KCND2: variants seen among roughly 807,000 people sequenced by gnomAD.
KCND2 encodes A-type voltage-gated potassium channel KCND2.
KCND2 carries 16 observed loss-of-function variants against 54.4 expected under a neutral mutation model. The observed-to-expected ratio is 0.29, with a 90% CI of 0.20 to 0.45. The LOEUF is 0.45. Among genes scored for constraint, KCND2 ranks in the 20% least tolerant of loss-of-function variants. KCND2 has a pLI of 1.00. For synonymous variants in KCND2, 317 were observed against 310.7 expected, an observed-to-expected ratio of 1.02 and a Z score of -0.21; for missense variants, 486 against 824.2, an observed-to-expected ratio of 0.59 and a Z score of 5.02.
intron 1 of KCND2, among the ~76,000 whole-genome samples, chr7:120,472,036 A>T (rs1250827851): frequency 6.6e-6 from 1 of 151,936 alleles, no homozygotes; most frequent in Non-Finnish European, 1.5e-5. Flanking sequence ...AATAAAAAGA[A>T]AAAACCAGAT....
intron 1 of KCND2, among the ~76,000 whole-genome samples, chr7:120,571,592 T>G (rs1792366849): frequency 6.6e-6 from 1 of 152,218 alleles, no homozygotes; most frequent in Non-Finnish European, 1.5e-5. Context: ...GATTTTTATT[T>G]TACATAAAGC....
intron 1 of KCND2, among the ~76,000 whole-genome samples, chr7:120,618,449 G>A (rs1468944461): frequency 5.9e-5 from 9 of 152,110 alleles, no homozygotes; most frequent in Admixed American, 5.2e-4. Context: ...TTCACACTGA[G>A]TCTCTAAACT....
At chr7:120,443,482 A>G (rs531196945) in intron 1 of KCND2, among the ~76,000 whole-genome samples, 1 of 151,910 alleles carries the variant, frequency 6.6e-6, no homozygotes, top group South Asian at 2.1e-4. Flanking sequence ...TTTCCTTACT[A>G]TTTATTCTCG....
intron 1 of KCND2, among the ~76,000 whole-genome samples, chr7:120,678,369 A>T (rs1479256785): frequency 6.9e-6 from 1 of 145,432 alleles, no homozygotes; most frequent in Admixed American, 6.9e-5. Flanking sequence ...ATATATATAT[A>T]TATACGCACA....
chr7:120,563,100 ATAGT>A (rs1489767932), intron 1 of KCND2, among the ~76,000 whole-genome samples: 9 of 152,168 alleles, frequency 5.9e-5, no homozygotes, highest in Non-Finnish European at 2.9e-5. Context: ...CTTGTTTATC[ATAGT>A]TAGAGGTTCT....
intron 1 of KCND2, among the ~76,000 whole-genome samples, chr7:120,668,233 C>T (rs566652168): frequency 1.3e-5 from 2 of 152,012 alleles, no homozygotes; most frequent in East Asian, 1.9e-4. Context: ...CATAAAGTTC[C>T]GTAATTATAT....
chr7:120,337,376 T>C (rs1038858634), intron 1 of KCND2, among the ~76,000 whole-genome samples: 3 of 152,198 alleles, frequency 2.0e-5, no homozygotes, highest in African/African-American at 7.2e-5. Flanking sequence ...CTAAGATGTA[T>C]GTAAAAACAT....
intron 1 of KCND2, among the ~76,000 whole-genome samples, chr7:120,400,185 T>A (rs1208350696): frequency 6.6e-6 from 1 of 152,166 alleles, no homozygotes; most frequent in African/African-American, 2.4e-5. Flanking sequence ...TTGTTTTGAC[T>A]TTTTAGGTTA....
At chr7:120,362,676 T>C (rs1220066615) in intron 1 of KCND2, among the ~76,000 whole-genome samples, 1 of 152,052 alleles carries the variant, frequency 6.6e-6, no homozygotes, top group East Asian at 1.9e-4. Flanking sequence ...ATCCTTGGGC[T>C]TCAGCTTTCT....
intron 1 of KCND2, among the ~76,000 whole-genome samples, chr7:120,406,037 G>T (rs546362305): frequency 1.3e-5 from 2 of 151,732 alleles, no homozygotes; most frequent in Admixed American, 6.6e-5. Flanking sequence ...TTATGAAGGT[G>T]GTATAAAGGA....
In KCND2 at chr7:120,274,766, T is replaced by G; in HGVS notation, c.134T>G (p.Leu45Arg). The G allele has an allele frequency of 6.2e-7, 1 of 1,614,110 alleles. No individual in the cohort carries two copies. The highest frequency in any genetic ancestry group is 8.5e-7 in the Non-Finnish European group (1 of 1,180,012). Reference protein sequence around the residue: ...RKRTQDALIVLNVSGTRFQTW... With the variant: ...RKRTQDALIVRNVSGTRFQTW... ...AGGACCCAAGATGCTCTCATTGTGC[T>G]GAATGTGAGTGGCACCCGCTTCCAG... The change falls in exon 1 of 6, where the codon CTG becomes CGG. Residue 45 changes from leucine to arginine, a missense_variant. Around this residue, in one of 7 missense-constraint regions of KCND2, gnomAD observed 231 missense variants for 386.0 expected, o/e 0.60. Transcript: ENST00000331113.
intron 1 of KCND2, among the ~76,000 whole-genome samples, chr7:120,388,887 C>T (rs1489714012): frequency 2.8e-5 from 2 of 71,410 alleles, no homozygotes; most frequent in East Asian, 1.2e-3. Context: ...TTTATATATA[C>T]ATGTATATAT....
intron 1 of KCND2, among the ~76,000 whole-genome samples, chr7:120,722,664 G>T (rs549057765): frequency 5.9e-5 from 9 of 152,216 alleles, no homozygotes; most frequent in Admixed American, 5.9e-4. Flanking sequence ...AATAAAATAG[G>T]TAAATACAAC....
chr7:120,557,181 G>A (rs1792176144), intron 1 of KCND2, among the ~76,000 whole-genome samples: 4 of 152,076 alleles, frequency 2.6e-5, no homozygotes, highest in Admixed American at 2.6e-4. Context: ...TACATATTTT[G>A]GGGGTACATG....
intron 1 of KCND2, among the ~76,000 whole-genome samples, chr7:120,712,883 C>T (rs1165333487): frequency 6.6e-6 from 1 of 152,074 alleles, no homozygotes; most frequent in Middle Eastern, 3.2e-3. Flanking sequence ...ACGATTTAAG[C>T]TCTGCCATTA....
intron 1 of KCND2, among the ~76,000 whole-genome samples, chr7:120,530,682 G>A (rs1215404272): frequency 6.6e-6 from 1 of 151,858 alleles, no homozygotes; most frequent in Non-Finnish European, 1.5e-5. Flanking sequence ...AACGCAACAT[G>A]TCCAAAACTT....
chr7:120,745,483 T>G (rs1420116761), intron 4 of KCND2, among the ~76,000 whole-genome samples: 1 of 151,888 alleles, frequency 6.6e-6, no homozygotes, highest in African/African-American at 2.4e-5. Context: ...CCTTATCATA[T>G]ACCTTCCAGA....
At chr7:120,475,085 G>A (rs1336802859) in intron 1 of KCND2, among the ~76,000 whole-genome samples, 2 of 152,136 alleles carry the variant, frequency 1.3e-5, no homozygotes, top group African/African-American at 2.4e-5. Context: ...TATGTGAAAT[G>A]TTGCTATAAG....
chr7:120,455,771 G>A (rs1204817195), intron 1 of KCND2, among the ~76,000 whole-genome samples: 2 of 152,088 alleles, frequency 1.3e-5, no homozygotes, highest in Non-Finnish European at 2.9e-5. Context: ...CTTAATAGTA[G>A]GAGCTAAAGA....
Sources: gnomAD v4.1 joint callset for allele counts (sites outside exome capture counted in the v4.1 genomes callset) on GRCh38, gnomAD v4.1.1 for gene constraint, gnomAD v4.1.1 regional missense constraint, MANE v1.5 for transcripts, NCBI Gene and HGNC (gene_info 2026-07-23, HGNC 2026-07-21) for gene names.